The following FILIP1L variants were observed in gnomAD, a reference collection of about 807,000 sequenced individuals.
FILIP1L encodes the protein filamin A interacting protein 1 like.
Under a neutral mutation model 96.6 loss-of-function variants are expected in FILIP1L, and 55 were observed. The observed-to-expected ratio is 0.57, with a 90% CI of 0.46 to 0.71. FILIP1L has a LOEUF of 0.71. Among genes scored for constraint, FILIP1L ranks in the 30% least tolerant of loss-of-function variants. The pLI, the probability that FILIP1L is intolerant of heterozygous loss-of-function variation, is 0.00. For missense variants in FILIP1L, 1,304 were observed against 1,321.2 expected, an observed-to-expected ratio of 0.99 and a Z score of 0.20; for synonymous variants, 467 against 473.9, an observed-to-expected ratio of 0.99 and a Z score of 0.19.
intron 1 of FILIP1L, among the ~76,000 whole-genome samples, chr3:100,043,267 A>G (rs1432985285): frequency 6.6e-6 from 1 of 152,360 alleles, no homozygotes; most frequent in East Asian, 1.9e-4. Flanking sequence ...GAGAAAATAT[A>G]TGCAGAAAAT....
chr3:99,946,409 C>T (rs938512516), intron 1 of FILIP1L, among the ~76,000 whole-genome samples: 5 of 152,126 alleles, frequency 3.3e-5, no homozygotes, highest in African/African-American at 1.2e-4. Context: ...AAGCAGTATC[C>T]AAAGGTCTTT....
intron 4 of FILIP1L, chr3:99,874,320 C>A (rs1157147852): frequency 6.6e-6 from 1 of 152,202 alleles, no homozygotes; most frequent in African/African-American, 2.4e-5. Flanking sequence ...CTGTTTGTCT[C>A]TTCCTCTGTT....
At chr3:100,100,461 G>A (rs2066285296) in intron 1 of FILIP1L, among the ~76,000 whole-genome samples, 1 of 152,078 alleles carries the variant, frequency 6.6e-6, no homozygotes, top group Non-Finnish European at 1.5e-5. Context: ...GCACAGTGAG[G>A]CCATATGCAT....
chr3:99,952,110 A>G (rs998762671), intron 1 of FILIP1L, among the ~76,000 whole-genome samples: 1 of 152,056 alleles, frequency 6.6e-6, no homozygotes, highest in Admixed American at 6.5e-5. Context: ...TAGATTTGGC[A>G]CAGGCATCAC....
chr3:99,829,526 C>T lies in FILIP1L; in HGVS notation c.*888G>A, dbSNP rs1160316585. Among the ~76,000 whole-genome samples, 1 of 152,270 alleles carries T rather than the reference C, an allele frequency of 6.6e-6. No homozygotes were observed. Among genetic ancestry groups the T allele is most frequent in the Non-Finnish European group, 1.5e-5 (1 of 68,008 alleles). ...GGACCTGAGGAATTATTTCACTTTCCTGTTTTACATGTGGAAACTCAAGGC... is the reference window on the plus strand; with the variant it reads ...GGACCTGAGGAATTATTTCACTTTCTTGTTTTACATGTGGAAACTCAAGGC... On this transcript the variant is annotated 3_prime_UTR_variant, in exon 6 of 6. Coordinates refer to ENST00000477258, the MANE Select transcript of FILIP1L (RefSeq NM_001387850.1).
chr3:100,035,945 G>A (rs2065099986), intron 1 of FILIP1L, among the ~76,000 whole-genome samples: 1 of 152,160 alleles, frequency 6.6e-6, no homozygotes, highest in African/African-American at 2.4e-5. Flanking sequence ...ATAAAAAGAT[G>A]AATGAGACAT....
At chr3:99,908,917 G>A (rs1002387575) in intron 4 of FILIP1L, among the ~76,000 whole-genome samples, 2 of 151,760 alleles carry the variant, frequency 1.3e-5, no homozygotes, top group Non-Finnish European at 1.5e-5. Context: ...ATCTTAATTA[G>A]CTTCAGGGAT....
chr3:99,884,567 A>C (rs1705832780), intron 4 of FILIP1L, among the ~76,000 whole-genome samples: 1 of 152,182 alleles, frequency 6.6e-6, no homozygotes, highest in African/African-American at 2.4e-5. Context: ...CTGATGTCTC[A>C]AACTTCCTTC....
chr3:99,842,053 A>T (rs938007135), intron 5 of FILIP1L, among the ~76,000 whole-genome samples: 19 of 152,240 alleles, frequency 1.2e-4, no homozygotes, highest in Admixed American at 9.2e-4. Flanking sequence ...TGGCAGCACA[A>T]TTCGCAATTG....
intron 1 of FILIP1L, among the ~76,000 whole-genome samples, chr3:99,971,305 C>A (rs1181787455): frequency 5.3e-5 from 8 of 149,804 alleles, no homozygotes; most frequent in Non-Finnish European, 8.9e-5. Flanking sequence ...GTGCCACTGC[C>A]CACCAGCCTG....
intron 4 of FILIP1L, among the ~76,000 whole-genome samples, chr3:99,918,953 A>G (rs999206867): frequency 6.6e-6 from 1 of 152,262 alleles, no homozygotes; most frequent in Non-Finnish European, 1.5e-5. Context: ...CTTGCCAGAA[A>G]AACTGAAAGG....
rs1483857896 is a variant in FILIP1L, at chr3:100,066,593, G to A, written c.-11+47460C>T. On this transcript the variant is annotated intron_variant, in intron 1 of 5. Transcript: ENST00000477258. Reference sequence around the variant, plus strand: ...GTCGCCCAGGCTGGAGTGCAGTGGCGGGATCTCGGCTCACTGCAAGCTCCG... The same window carrying A: ...GTCGCCCAGGCTGGAGTGCAGTGGCAGGATCTCGGCTCACTGCAAGCTCCG... Among the ~76,000 whole-genome samples, 4 of 91,222 alleles carry A rather than the reference G, an allele frequency of 4.4e-5. 1 individual carries two copies. The highest frequency in any genetic ancestry group is 2.8e-4 in the East Asian group (1 of 3,548). The allele number at this position is 91,222 out of a possible 152,430, so 59.8% of individuals were successfully genotyped here.
Position 99,848,886 on chromosome 3 carries a change from G to T in FILIP1L, c.2790C>A (p.Tyr930Ter), listed in dbSNP as rs1943507891. The T allele has an allele frequency of 1.9e-6, 3 of 1,614,054 alleles. No homozygotes were observed. The highest frequency in any genetic ancestry group is 1.3e-5 in the African/African-American group (1 of 74,936). Residue 930 changes from tyrosine to a stop codon, truncating the protein, a stop_gained, in exon 5 of 6, where the codon TAC becomes TAA. Coordinates refer to ENST00000477258, the MANE Select transcript of FILIP1L (RefSeq NM_001387850.1). LOFTEE classifies it high-confidence loss of function. ...TSPTTESPHS[Y>*]TSTAVIPNCG... ...AGTTCGGTATCACTGCAGTACTCGT[G>T]TAAGAGTGAGGACTCTCTGTGGTTG...
chr3:99,993,731 T>TACACAGAA (rs1709591871), intron 1 of FILIP1L, among the ~76,000 whole-genome samples: 1 of 152,216 alleles, frequency 6.6e-6, no homozygotes, highest in African/African-American at 2.4e-5. Context: ...TATATTGAGA[T>TACACAGAA]AATACAGTTT....
chr3:99,935,592 T>C (rs1343850633), intron 1 of FILIP1L, among the ~76,000 whole-genome samples: 4 of 152,154 alleles, frequency 2.6e-5, no homozygotes, highest in Non-Finnish European at 5.9e-5. Flanking sequence ...GGACCAAGGA[T>C]TGTTTCCTTT....
At chr3:99,864,405 A>G (rs974527465) in intron 4 of FILIP1L, among the ~76,000 whole-genome samples, 2 of 152,176 alleles carry the variant, frequency 1.3e-5, no homozygotes, top group African/African-American at 2.4e-5. Context: ...GCTAAGTATT[A>G]TTATTCTCAT....
chr3:99,879,272 C>T (rs1705641046), intron 4 of FILIP1L, among the ~76,000 whole-genome samples: 1 of 151,988 alleles, frequency 6.6e-6, no homozygotes, highest in African/African-American at 2.4e-5. Flanking sequence ...AAGGAGATAC[C>T]AACTAGATTT....
chr3:99,894,445 G>C lies in FILIP1L; in HGVS notation c.605+29785C>G, dbSNP rs147050141. 4.5e-3 allele frequency among the ~76,000 whole-genome samples: 689 copies of C among 152,234 alleles called. 7 individuals are homozygous for C. The highest frequency in any genetic ancestry group is 0.016 in the African/African-American group (675 of 41,532). On this transcript the variant is annotated intron_variant, in intron 4 of 5. Transcript: ENST00000477258. ...TGCTATTTTCTTGTTTCCACTTTTA[G>C]TTGTCACCTTTTTGTTTTGGGTTGG... is the stretch of plus-strand genomic sequence containing the variant.
In FILIP1L at chr3:100,102,307, G is replaced by A. The variant is rs557437841; in HGVS notation, c.-11+11746C>T. Reference sequence around the variant, plus strand: ...GTTGTTTCCTGACTTTTTAATGATCGCCATTCTAACTGGTATGAGATGGTA... The same window carrying A: ...GTTGTTTCCTGACTTTTTAATGATCACCATTCTAACTGGTATGAGATGGTA... On this transcript the variant is annotated intron_variant, in intron 1 of 5. Coordinates refer to ENST00000477258, the MANE Select transcript of FILIP1L (RefSeq NM_001387850.1). 4.6e-5 allele frequency among the ~76,000 whole-genome samples: 7 copies of A among 152,000 alleles called. No homozygotes were observed. In the South Asian group the frequency reaches 8.3e-4, roughly 18 times the overall value.
Sources: gnomAD v4.1 joint callset for allele counts (sites outside exome capture counted in the v4.1 genomes callset) on GRCh38, gnomAD v4.1.1 for gene constraint, MANE v1.5 for transcripts, NCBI Gene and HGNC (gene_info 2026-07-23, HGNC 2026-07-21) for gene names.